The following SPAG6 variants were observed in gnomAD, a reference collection of about 807,000 sequenced individuals.
SPAG6 encodes sperm associated antigen 6.
A neutral mutation model predicts 58.5 loss-of-function variants in SPAG6; 49 were observed. The ratio of observed to expected loss-of-function variants is 0.84; its 90% CI spans 0.67 to 1.06. The LOEUF (loss-of-function observed/expected upper bound fraction) is 1.06, where lower values mean the gene tolerates loss of function less well. SPAG6 is among the 50% of genes least tolerant of loss of function. SPAG6 has a pLI of 0.00. For missense variants in SPAG6, 560 were observed against 611.3 expected, an observed-to-expected ratio of 0.92 and a Z score of 0.89; for synonymous variants, 233 against 225.6, an observed-to-expected ratio of 1.03 and a Z score of -0.29.
Position 22,411,090 on chromosome 10 carries a change from AG to A in SPAG6, c.1375del (p.Val459PhefsTer4). ...LFVTSGGLKKVQEIKAEPGSL... is the reference protein window; with the variant it reads ...LFVTSGGLKKXQEIKAEPGSL... ...TTGTAACAAGTGGTGGCCTTAAAAA[AG>A]TTCAAGAGATAAAAGCAGAACCTGG... On this transcript the variant is annotated frameshift_variant, in exon 10 of 11. Coordinates refer to ENST00000376624, the MANE Select transcript of SPAG6 (RefSeq NM_012443.4). LOFTEE classifies it high-confidence loss of function. 6.2e-7 allele frequency: 1 copy of A among 1,614,156 alleles called. No individual in the cohort carries two copies. The highest frequency in any genetic ancestry group is 1.3e-5 in the African/African-American group (1 of 75,064).
intron 4 of SPAG6, among the ~76,000 whole-genome samples, chr10:22,377,507 C>T (rs1833846667): frequency 6.6e-6 from 1 of 152,108 alleles, no homozygotes; most frequent in Non-Finnish European, 1.5e-5. Flanking sequence ...CCAAACCAAA[C>T]CAAACCAAAA....
At chr10:22,358,716 T>C (rs1014020854) in intron 2 of SPAG6, among the ~76,000 whole-genome samples, 2 of 152,102 alleles carry the variant, frequency 1.3e-5, no homozygotes, top group Admixed American at 6.5e-5. Flanking sequence ...TGGTTTTAGG[T>C]CTAACGTTTA....
chr10:22,413,687 T>TTATATATATATATATATATA lies in SPAG6; in HGVS notation c.1460+2511_1460+2512insTATATATATATATATATATA, dbSNP rs1564384057. Among the ~76,000 whole-genome samples, 113 of 130,160 alleles carry TTATATATATATATATATATA rather than the reference T, an allele frequency of 8.7e-4. 1 individual carries two copies. The highest frequency in any genetic ancestry group is 4.6e-3 in the African/African-American group (104 of 22,472). The allele number at this position is 130,160 out of a possible 152,430, so 85.4% of individuals were successfully genotyped here. ...TACCTGACTAATGTTTTCAAATTTC[T>TTATATATATATATATATATA]GATATATATATATATATATATTTCA... On this transcript the variant is annotated intron_variant, in intron 10 of 10. Coordinates refer to ENST00000376624, the MANE Select transcript of SPAG6 (RefSeq NM_012443.4).
At chr10:22,360,574 C>A (rs1837006515) in intron 2 of SPAG6, among the ~76,000 whole-genome samples, 1 of 151,660 alleles carries the variant, frequency 6.6e-6, no homozygotes, top group Non-Finnish European at 1.5e-5. Context: ...ATAGATTTAT[C>A]TTTAAGTTAA....
chr10:22,402,002 T>G (rs1442645458), intron 9 of SPAG6, among the ~76,000 whole-genome samples: 9 of 152,200 alleles, frequency 5.9e-5, no homozygotes, highest in Admixed American at 4.6e-4. Flanking sequence ...ATGGTGGTTA[T>G]GAGCTCGGTT....
Position 22,351,390 on chromosome 10 carries a change from C to T in SPAG6, c.121+5572C>T, listed in dbSNP as rs1238819537. ...TTGTAATCCACTGGAAGTTGGGAAC[C>T]GAGGTAGTCCTGCAGAGACTACCTT... On this transcript the variant is annotated intron_variant, in intron 2 of 10. Coordinates refer to ENST00000376624, the MANE Select transcript of SPAG6 (RefSeq NM_012443.4). Among the ~76,000 whole-genome samples the T allele has an allele frequency of 2.0e-5, 3 of 152,126 alleles. No homozygotes were observed. In the East Asian group the frequency reaches 5.8e-4, roughly 29 times the overall value.
At chr10:22,360,705 T>C (rs1478770761) in intron 2 of SPAG6, 3 of 718,434 alleles carry the variant, frequency 4.2e-6, no homozygotes, top group African/African-American at 3.6e-5. Flanking sequence ...TTACATAGTA[T>C]ATGTTGGGTC....
At chr10:22,393,416 T>C (rs1013450842) in intron 8 of SPAG6, among the ~76,000 whole-genome samples, 1 of 152,180 alleles carries the variant, frequency 6.6e-6, no homozygotes, top group African/African-American at 2.4e-5. Context: ...GAGTATGTAC[T>C]TTTTATATAC....
chr10:22,371,911 G>T (rs535683319), intron 4 of SPAG6, among the ~76,000 whole-genome samples: 34 of 149,076 alleles, frequency 2.3e-4, no homozygotes, highest in Admixed American at 4.7e-4. Context: ...AAATGGTGGG[G>T]TTTTTTTTTT....
intron 8 of SPAG6, among the ~76,000 whole-genome samples, chr10:22,400,562 A>T (rs985827066): frequency 2.0e-5 from 3 of 150,014 alleles, no homozygotes; most frequent in African/African-American, 7.4e-5. Flanking sequence ...TGGGTGATAC[A>T]CTCCCTGTGT....
At chr10:22,366,919 C>A (rs1837216600) in intron 3 of SPAG6, among the ~76,000 whole-genome samples, 1 of 152,028 alleles carries the variant, frequency 6.6e-6, no homozygotes, top group Admixed American at 6.6e-5. Flanking sequence ...GCACAAGCTT[C>A]TGTCTCCCTC....
chr10:22,381,847 C>T (rs937390918), intron 4 of SPAG6, among the ~76,000 whole-genome samples: 4 of 152,152 alleles, frequency 2.6e-5, no homozygotes, highest in Admixed American at 6.5e-5. Flanking sequence ...TTTTAATTTA[C>T]GTTCTCTTTT....
rs539220832 is a variant in SPAG6 at position 22,415,787 on chromosome 10, ATTTTGAGTG to A, written c.1461-824_1461-816del. Among the ~76,000 whole-genome samples, 51 of 152,252 alleles carry A rather than the reference ATTTTGAGTG, an allele frequency of 3.3e-4. 2 individuals are homozygous for A. In the East Asian group the frequency reaches 9.8e-3, roughly 29 times the overall value. The stretch of plus-strand genomic sequence containing the variant: ...AGAAAATGCCTTCAGAAGCTTAATT[ATTTTGAGTG>A]TTTTGAGAATTTTTGAATTATACTT... On this transcript the variant is annotated intron_variant, in intron 10 of 10. Transcript: ENST00000376624.
intron 10 of SPAG6, chr10:22,413,084 A>AAAAAAAAAAAAAC (rs1437362177): frequency 1.3e-5 from 2 of 150,364 alleles, no homozygotes; most frequent in Admixed American, 6.6e-5. Context: ...AAAAAAAAAA[A>AAAAAAAAAAAAAC]AAAAGAACTA....
At chr10:22,363,714 G>A (rs531458321) in intron 2 of SPAG6, among the ~76,000 whole-genome samples, 1 of 152,282 alleles carries the variant, frequency 6.6e-6, no homozygotes, top group Non-Finnish European at 1.5e-5. Context: ...GTGTTTAGGT[G>A]TTATTGTAAA....
At chr10:22,390,353 A>G (rs919709179) in intron 7 of SPAG6, among the ~76,000 whole-genome samples, 1 of 152,178 alleles carries the variant, frequency 6.6e-6, no homozygotes, top group Non-Finnish European at 1.5e-5. Flanking sequence ...GTTGCTTCCC[A>G]TATGCCTTCC....
intron 2 of SPAG6, chr10:22,359,361 A>G: frequency 2.7e-6 from 1 of 372,630 alleles, no homozygotes; most frequent in Non-Finnish European, 3.7e-6. Flanking sequence ...TGTAAAATTT[A>G]TGGTAACAAA....
chr10:22,379,123 G>C (rs887075515), intron 4 of SPAG6, among the ~76,000 whole-genome samples: 1 of 152,076 alleles, frequency 6.6e-6, no homozygotes, highest in Admixed American at 6.6e-5. Flanking sequence ...AAAATCACTC[G>C]AGACTTTTAC....
chr10:22,362,369 T>C (rs1270445462), intron 2 of SPAG6, among the ~76,000 whole-genome samples: 2 of 151,746 alleles, frequency 1.3e-5, no homozygotes, highest in African/African-American at 2.4e-5. Context: ...AAACTTTAAA[T>C]ATATGTTAAC....
Sources: gnomAD v4.1 joint callset for allele counts (sites outside exome capture counted in the v4.1 genomes callset) on GRCh38, gnomAD v4.1.1 for gene constraint, MANE v1.5 for transcripts, NCBI Gene and HGNC (gene_info 2026-07-23, HGNC 2026-07-21) for gene names.